The following TUT7 variants were observed in gnomAD, a reference collection of about 807,000 sequenced individuals.
TUT7 encodes the protein terminal uridylyltransferase 7.
In TUT7, 33 loss-of-function variants were observed where a neutral mutation model predicts 165.9. The observed-to-expected ratio is 0.20, with a 90% CI of 0.15 to 0.27. TUT7 has a LOEUF of 0.27. Ranked by LOEUF, TUT7 falls within the 10% of genes least tolerant of loss-of-function variation. The pLI, the probability that TUT7 is intolerant of heterozygous loss-of-function variation, is 1.00. For synonymous variants in TUT7, 552 were observed against 608.1 expected (o/e 0.91, Z 1.36); for missense variants, 1,338 against 1,762.3 (o/e 0.76, Z 4.31).
chr9:86,354,337 G>C lies in TUT7; in HGVS notation c.-98C>G, dbSNP rs1832563198. The C allele has an allele frequency of 6.5e-6, 1 of 152,798 alleles. No individual in the cohort carries two copies. Among genetic ancestry groups the C allele is most frequent in the Non-Finnish European group, 1.5e-5 (1 of 68,188 alleles). 9.5% of individuals were successfully genotyped at this position (152,798 alleles called of 1,614,324 possible). On this transcript the variant is annotated 5_prime_UTR_variant, in exon 1 of 27. Transcript: ENST00000375963. ...CCAACTGGAGAATCAGCCCGGAGGC[G>C]AGTCTGGCAGGGACGTTGGGAGAAG...
intron 26 of TUT7, among the ~76,000 whole-genome samples, chr9:86,292,655 T>C (rs1407029698): frequency 1.3e-5 from 2 of 151,098 alleles, no homozygotes; most frequent in African/African-American, 4.9e-5. Flanking sequence ...GGCTCATGCC[T>C]GTGAGCTACT....
intron 26 of TUT7, among the ~76,000 whole-genome samples, chr9:86,300,700 G>A (rs569869077): frequency 6.6e-6 from 1 of 152,320 alleles, no homozygotes; most frequent in South Asian, 2.1e-4. Flanking sequence ...ACTGCTAATA[G>A]ATATTTTCTT....
In TUT7 at chr9:86,311,071, T is replaced by G. The variant is rs922418499; in HGVS notation, c.3275-262A>C. On this transcript the variant is annotated intron_variant, in intron 17 of 26. Coordinates refer to ENST00000375963, the MANE Select transcript of TUT7 (RefSeq NM_024617.4). The surrounding 1 kb of genome is among the most constrained non-coding windows in gnomAD (Gnocchi z 4.4). ...CTCTGGGAACTTACTGGATCGTATG[T>G]GCACACGTGTGCATGTGTGTATATG... 6.6e-6 allele frequency among the ~76,000 whole-genome samples: 1 copy of G among 152,228 alleles called. No homozygotes were observed. Among genetic ancestry groups the G allele is most frequent in the Non-Finnish European group, 1.5e-5 (1 of 68,038 alleles).
intron 13 of TUT7, 83 bp from the exon 14 acceptor site, chr9:86,322,558 A>G: frequency 2.0e-6 from 3 of 1,484,126 alleles, no homozygotes; most frequent in Non-Finnish European, 2.7e-6. Context: ...TTAAAAGTAC[A>G]CAGTCACCTA....
At chr9:86,322,544 T>C in intron 13 of TUT7, 69 bp from the exon 14 acceptor site, 1 of 1,537,766 alleles carries the variant, frequency 6.5e-7, no homozygotes, top group Non-Finnish European at 8.7e-7. Flanking sequence ...TCTGGAATCA[T>C]GTTTTAAAAG....
chr9:86,333,674 T>A (rs1830514796), intron 10 of TUT7, among the ~76,000 whole-genome samples: 1 of 152,222 alleles, frequency 6.6e-6, no homozygotes, highest in Admixed American at 6.5e-5. Context: ...TTATTTTAAA[T>A]TCCTGGTCTG....
intron 10 of TUT7, among the ~76,000 whole-genome samples, chr9:86,333,596 T>C (rs1479359172): frequency 6.6e-6 from 1 of 152,236 alleles, no homozygotes. Context: ...CTTCTCAGCT[T>C]ATATTACCCA....
At chr9:86,299,625 T>C (rs1435517819) in intron 26 of TUT7, among the ~76,000 whole-genome samples, 1 of 152,168 alleles carries the variant, frequency 6.6e-6, no homozygotes, top group Non-Finnish European at 1.5e-5. Flanking sequence ...GCTTGATAAT[T>C]CCCCTGCCAC....
At position 86,352,788 on chromosome 9, in the gene TUT7, C is replaced by T. The variant is rs979862289; in HGVS notation, c.412G>A (p.Asp138Asn). The change falls in exon 2 of 27, where the codon GAT becomes AAT. Residue 138 changes from aspartate (D) to asparagine (N), a missense_variant. This residue lies in a region of TUT7 where 434 missense variants were observed against 480.8 expected (regional missense o/e 0.90). Transcript: ENST00000375963. ...QRKDSFQENE[D>N]GYRWQDTRGC... ...CTTGTGTCTTGCCACCTATAACCATCTTCATTTTCTTGAAAGGAGTCTTTT... is the reference window on the plus strand; with the variant it reads ...CTTGTGTCTTGCCACCTATAACCATTTTCATTTTCTTGAAAGGAGTCTTTT... The T allele has an allele frequency of 4.3e-6, 7 of 1,614,042 alleles. No individual in the cohort carries two copies. Among genetic ancestry groups the T allele is most frequent in the Admixed American group, 1.7e-5 (1 of 60,002 alleles).
At chr9:86,337,150 T>G (rs1830857235) in intron 10 of TUT7, 1 of 254,814 alleles carries the variant, frequency 3.9e-6, no homozygotes, top group Non-Finnish European at 7.6e-6. Flanking sequence ...GTCAGTCTCT[T>G]GTTCGTCTCA....
intron 11 of TUT7, among the ~76,000 whole-genome samples, chr9:86,327,909 T>G (rs1829940351): frequency 2.0e-5 from 3 of 152,230 alleles, no homozygotes; most frequent in Admixed American, 2.0e-4. Flanking sequence ...TGTTTGAAAT[T>G]CTAATGGCTA....
At chr9:86,339,036 A>G (rs1831089178) in intron 8 of TUT7, 87 bp from the exon 9 acceptor site, 2 of 1,195,354 alleles carry the variant, frequency 1.7e-6, no homozygotes. Flanking sequence ...GCCAACAACT[A>G]ATATACATGC....
intron 17 of TUT7, among the ~76,000 whole-genome samples, chr9:86,314,204 A>G (rs1469758668): frequency 1.3e-5 from 2 of 152,182 alleles, no homozygotes; most frequent in African/African-American, 4.8e-5. Context: ...TCGCCTCTAA[A>G]TTAGACAGAG....
rs771091736 is a variant in TUT7, at chr9:86,323,380, T to C, written c.2370A>G (p.Glu790=). The part of the protein sequence containing the change: ...NNESESTLDL[E]GFQNPTAKEC... ...CTTTAGCTGTGGGATTTTGGAAGCC[T>C]TCTAAATCCAAAGTGCTCTCTGACT... is the stretch of plus-strand genomic sequence containing the variant. The change falls in exon 13 of 27, where the codon GAA becomes GAG. Residue 790 remains glutamate, a synonymous_variant. Coordinates refer to ENST00000375963, the MANE Select transcript of TUT7 (RefSeq NM_024617.4). 6.8e-6 allele frequency: 11 copies of C among 1,614,164 alleles called. No homozygotes were observed. The Admixed American group carries it at 1.8e-4, about 27-fold the overall frequency.
chr9:86,294,189 C>G (rs1292268768), intron 26 of TUT7, among the ~76,000 whole-genome samples: 2 of 151,490 alleles, frequency 1.3e-5, no homozygotes, highest in African/African-American at 2.4e-5. Flanking sequence ...TTTCTAATTC[C>G]CCTTTCACAA....
intron 11 of TUT7, chr9:86,326,457 C>T (rs1227555266): frequency 1.9e-5 from 3 of 154,782 alleles, no homozygotes; most frequent in Non-Finnish European, 2.9e-5. Flanking sequence ...AAAAAATGGT[C>T]GCTATCATTA....
chr9:86,291,501 G>A (rs1825889720), intron 26 of TUT7, among the ~76,000 whole-genome samples: 1 of 151,302 alleles, frequency 6.6e-6, no homozygotes, highest in Non-Finnish European at 1.5e-5. Flanking sequence ...GAATCCAGGA[G>A]GCAGACGTTG....
chr9:86,288,597 G>T lies in TUT7; in HGVS notation c.*80C>A. ...AAGTTGAAGCCTGATCTACACTGCT[G>T]TGTCCTGTGAAATGAACCTAATTTT... On this transcript the variant is annotated 3_prime_UTR_variant, in exon 27 of 27. Transcript: ENST00000375963. 1 of 1,074,502 alleles carries T rather than the reference G, an allele frequency of 9.3e-7. No individual in the cohort carries two copies. Among genetic ancestry groups the T allele is most frequent in the African/African-American group, 1.6e-5 (1 of 64,338 alleles). The allele number at this position is 1,074,502 out of a possible 1,614,324, so 66.6% of individuals were successfully genotyped here.
intron 2 of TUT7, 74 bp downstream of exon 2, chr9:86,352,606 A>C: frequency 1.9e-6 from 3 of 1,563,700 alleles, no homozygotes; most frequent in Non-Finnish European, 2.6e-6. Context: ...GAAAATAACA[A>C]AACTCATTTG....
Sources: allele counts gnomAD v4.1 joint callset (sites outside exome capture counted in the v4.1 genomes callset), GRCh38; gene constraint gnomAD v4.1.1; regional missense constraint gnomAD v4.1.1; non-coding constraint Gnocchi (gnomAD v3.1); transcripts MANE v1.5; gene names NCBI Gene and HGNC (gene_info 2026-07-23, HGNC 2026-07-21).